Variants in CEP63 observed in about 807,000 individuals in gnomAD.
The protein encoded by CEP63 is centrosomal protein 63.
A neutral mutation model predicts 89.1 loss-of-function variants in CEP63; 84 were observed. That is an observed-to-expected ratio of 0.94 (90% CI 0.79 to 1.13). The LOEUF is 1.13. Among genes scored for constraint, CEP63 ranks in the 50% most tolerant of loss-of-function variants. CEP63 has a pLI of 0.00. For missense variants in CEP63, 838 were observed against 813.3 expected, an observed-to-expected ratio of 1.03 and a Z score of -0.37; for synonymous variants, 267 against 272.5, an observed-to-expected ratio of 0.98 and a Z score of 0.20.
intron 2 of CEP63, among the ~76,000 whole-genome samples, chr3:134,497,116 G>C (rs1426022389): frequency 1.3e-5 from 2 of 152,060 alleles, no homozygotes; most frequent in East Asian, 3.9e-4. Flanking sequence ...TTTTAATAGG[G>C]TTTTTTGTTT....
chr3:134,496,534 TG>T (rs985271687), intron 2 of CEP63, among the ~76,000 whole-genome samples: 16 of 152,286 alleles, frequency 1.1e-4, no homozygotes, highest in African/African-American at 3.6e-4. Flanking sequence ...GAGGAGCCTT[TG>T]GTGACAGATG....
chr3:134,564,233 G>C lies in CEP63; in HGVS notation c.*2698G>C. 1 of 985,334 alleles carries C rather than the reference G, an allele frequency of 1.0e-6. No homozygotes were observed. The highest frequency in any genetic ancestry group is 1.7e-5 in the African/African-American group (1 of 57,362). 61.0% of individuals were successfully genotyped at this position (985,334 alleles called of 1,614,324 possible). On this transcript the variant is annotated 3_prime_UTR_variant, in exon 15 of 15. Transcript: ENST00000675561. ...CCAACACTTAGGAGAGGCTCAGCTA[G>C]TTTGAACCAATGGAAAATGCCATTC...
the CEP63 span, among the ~76,000 whole-genome samples, chr3:134,777,608 A>ATTTTTTTTTTTTT: frequency 6.0e-5 from 6 of 100,186 alleles, no homozygotes; most frequent in African/African-American, 2.0e-4. Context: ...AAAGAATAGA[A>ATTTTTTTTTTTTT]TTTTTTTTTT....
the CEP63 span, among the ~76,000 whole-genome samples, chr3:134,778,236 T>C: frequency 6.6e-6 from 1 of 151,710 alleles, no homozygotes; most frequent in Non-Finnish European, 1.5e-5. Context: ...TAGCTAGGAT[T>C]ACAGACGTGC....
At chr3:134,698,455 AG>A in the CEP63 span, among the ~76,000 whole-genome samples, 68 of 152,294 alleles carry the variant, frequency 4.5e-4, no homozygotes, top group Admixed American at 8.5e-4. Context: ...GAGGGCATGG[AG>A]GGGCTGCCGT....
chr3:134,723,367 A>C, the CEP63 span, among the ~76,000 whole-genome samples: 1 of 152,142 alleles, frequency 6.6e-6, no homozygotes, highest in Non-Finnish European at 1.5e-5. Context: ...CCCTGCCATC[A>C]CCCTGAGAAG....
At chr3:134,768,519 C>G in the CEP63 span, among the ~76,000 whole-genome samples, 2 of 152,200 alleles carry the variant, frequency 1.3e-5, no homozygotes, top group African/African-American at 4.8e-5. Flanking sequence ...CTTCTACCTT[C>G]TCAGTCAGCA....
At chr3:134,744,694 T>C in the CEP63 span, among the ~76,000 whole-genome samples, 2 of 152,344 alleles carry the variant, frequency 1.3e-5, no homozygotes, top group African/African-American at 4.8e-5. Flanking sequence ...TTTTAAATTA[T>C]TTTTGTAGAG....
chr3:134,730,443 C>G, the CEP63 span, among the ~76,000 whole-genome samples: 2 of 151,912 alleles, frequency 1.3e-5, no homozygotes, highest in Non-Finnish European at 2.9e-5. Context: ...ATTTGTTCAT[C>G]TATATATTAA....
At position 134,503,100 on chromosome 3, in the gene CEP63, C is replaced by CTTT. The variant is rs34673408; in HGVS notation, c.45-3991_45-3989dup. ...AGAAGATACTTGGTGTGATTTCAAT[C>CTTT]TTTTTTTTTTTTTTTTTTTTGTCTT... On this transcript the variant is annotated intron_variant, in intron 2 of 14. Coordinates refer to ENST00000675561, the MANE Select transcript of CEP63 (RefSeq NM_001353108.3). Among the ~76,000 whole-genome samples the CTTT allele has an allele frequency of 4.5e-3, 414 of 91,960 alleles. 3 individuals are homozygous for CTTT. Among genetic ancestry groups the CTTT allele is most frequent in the African/African-American group, 9.4e-3 (218 of 23,198 alleles). 60.3% of individuals were successfully genotyped at this position (91,960 alleles called of 152,430 possible).
intron 6 of CEP63, among the ~76,000 whole-genome samples, chr3:134,544,055 C>G (rs79686526): frequency 0.016 from 2,462 of 151,930 alleles, 56 homozygotes; most frequent in African/African-American, 0.055. Context: ...TACCCTCTCT[C>G]TGGCTTATGG....
At chr3:134,598,901 C>G in the CEP63 span, among the ~76,000 whole-genome samples, 1 of 152,212 alleles carries the variant, frequency 6.6e-6, no homozygotes, top group African/African-American at 2.4e-5. Context: ...CTTGCAAAAT[C>G]AGACAGAACC....
At chr3:134,659,336 G>C in the CEP63 span, among the ~76,000 whole-genome samples, 1 of 152,202 alleles carries the variant, frequency 6.6e-6, no homozygotes, top group African/African-American at 2.4e-5. Flanking sequence ...TCCTCTGCAG[G>C]TGAGGCTTCA....
downstream of CEP63, among the ~76,000 whole-genome samples, chr3:134,589,144 A>G (rs1958548012): frequency 6.6e-6 from 1 of 152,208 alleles, no homozygotes; most frequent in African/African-American, 2.4e-5. Context: ...AAGTAAGCCT[A>G]TACAACAAAC....
At chr3:134,676,577 T>C in the CEP63 span, among the ~76,000 whole-genome samples, 2 of 152,198 alleles carry the variant, frequency 1.3e-5, no homozygotes, top group African/African-American at 4.8e-5. Flanking sequence ...AGGGTGAATT[T>C]TATGGTATGT....
rs1363718031 is a variant in CEP63 at position 134,545,961 on chromosome 3, A to G, written c.789+142A>G. On this transcript the variant is annotated intron_variant, in intron 7 of 14. Transcript: ENST00000675561. Reference sequence around the variant, plus strand: ...TGGATCAGATATTGATAGTTTTACTAATATTGTGACTTTATTACAATATTT... The same window carrying G: ...TGGATCAGATATTGATAGTTTTACTGATATTGTGACTTTATTACAATATTT... 7 of 832,834 alleles carry G rather than the reference A, an allele frequency of 8.4e-6. No homozygotes were observed. In the East Asian group the frequency reaches 1.1e-4, roughly 13 times the overall value. 51.6% of individuals were successfully genotyped at this position (832,834 alleles called of 1,614,324 possible). A position where few individuals can be genotyped will look rare whatever the true frequency, so the allele number is the denominator to read the frequency against.
At chr3:134,744,028 T>C in the CEP63 span, among the ~76,000 whole-genome samples, 1 of 152,208 alleles carries the variant, frequency 6.6e-6, no homozygotes, top group Non-Finnish European at 1.5e-5. Context: ...CCTCTAGGTC[T>C]CTGTGGAGTG....
At chr3:134,589,794 A>G (rs1958562579), downstream of CEP63, among the ~76,000 whole-genome samples, 1 of 152,212 alleles carries the variant, frequency 6.6e-6, no homozygotes, top group Non-Finnish European at 1.5e-5. Flanking sequence ...AGACACATGC[A>G]TGCGTATGTT....
chr3:134,659,665 G>A, the CEP63 span, among the ~76,000 whole-genome samples: 5 of 152,208 alleles, frequency 3.3e-5, no homozygotes, highest in South Asian at 8.3e-4. Flanking sequence ...TGGGAGCCCC[G>A]AGAGAGGACC....
Sources: allele counts gnomAD v4.1 joint callset (sites outside exome capture counted in the v4.1 genomes callset), GRCh38; gene constraint gnomAD v4.1.1; transcripts MANE v1.5; gene names NCBI Gene and HGNC (gene_info 2026-07-23, HGNC 2026-07-21).